Variants in MBD5 observed in about 807,000 individuals in gnomAD.
MBD5 encodes methyl-CpG binding domain protein 5, also known as methyl-CpG-binding domain protein 5.
A neutral mutation model predicts 117.3 loss-of-function variants in MBD5; 13 were observed. The ratio of observed to expected loss-of-function variants is 0.11; its 90% confidence interval spans 0.07 to 0.18. The LOEUF is 0.18. MBD5 is among the 10% of genes least tolerant of loss of function. MBD5 has a pLI of 1.00. For missense variants in MBD5, 1,879 were observed against 2,093.8 expected (o/e 0.90, Z 2.00); for synonymous variants, 727 against 766.4 (o/e 0.95, Z 0.85).
chr2:148,115,489 T>G (rs186283304), intron 1 of MBD5, among the ~76,000 whole-genome samples: 1 of 152,336 alleles, frequency 6.6e-6, no homozygotes, highest in African/African-American at 2.4e-5. Flanking sequence ...GTAAGGTATT[T>G]AGTATGGGTA....
chr2:148,129,582 T>C (rs1434932111), intron 1 of MBD5, among the ~76,000 whole-genome samples: 1 of 152,182 alleles, frequency 6.6e-6, no homozygotes. Context: ...AGCTGATACA[T>C]TGTACAAAGA....
intron 1 of MBD5, among the ~76,000 whole-genome samples, chr2:148,092,296 G>T (rs958809211): frequency 6.6e-6 from 1 of 152,124 alleles, no homozygotes; most frequent in East Asian, 1.9e-4. Context: ...ATTTGACCCG[G>T]CAATCCCAAT....
chr2:148,184,711 A>G (rs1240565953), intron 2 of MBD5, among the ~76,000 whole-genome samples: 2 of 152,092 alleles, frequency 1.3e-5, no homozygotes, highest in Non-Finnish European at 2.9e-5. Context: ...TGATATGTTG[A>G]CCTGTAAGGT....
At position 148,235,385 on chromosome 2, in the gene MBD5, C is replaced by T. The variant is rs78180187; in HGVS notation, c.-680+1990C>T. Among the ~76,000 whole-genome samples, 247 of 152,196 alleles carry T rather than the reference C, an allele frequency of 1.6e-3. 5 individuals are homozygous for T. The East Asian group carries it at 0.041, about 25-fold the overall frequency. On this transcript the variant is annotated intron_variant, in intron 3 of 13. Transcript: ENST00000642680. Reference sequence around the variant, plus strand: ...TTATTCTTTAACCATCAGACTGTATCAATGGTATATAGCTTTAACTTATTA... The same window carrying T: ...TTATTCTTTAACCATCAGACTGTATTAATGGTATATAGCTTTAACTTATTA...
At chr2:148,334,900 ATT>A (rs1702748333) in intron 3 of MBD5, among the ~76,000 whole-genome samples, 1 of 152,086 alleles carries the variant, frequency 6.6e-6, no homozygotes, top group Non-Finnish European at 1.5e-5. Context: ...ACTTGAGGAG[ATT>A]TCTGTTTATG....
At chr2:148,430,622 A>T (rs1220941263) in intron 4 of MBD5, among the ~76,000 whole-genome samples, 1 of 152,106 alleles carries the variant, frequency 6.6e-6, no homozygotes, top group Non-Finnish European at 1.5e-5. Flanking sequence ...TCATTTACAA[A>T]TGTCAATTAT....
chr2:148,089,562 A>G (rs1224192027), intron 1 of MBD5, among the ~76,000 whole-genome samples: 1 of 152,118 alleles, frequency 6.6e-6, no homozygotes. Flanking sequence ...ATACACATAC[A>G]TGGAAATTAA....
intron 4 of MBD5, among the ~76,000 whole-genome samples, chr2:148,350,370 G>C (rs1206597322): frequency 2.6e-5 from 4 of 152,006 alleles, no homozygotes; most frequent in Non-Finnish European, 5.9e-5. Flanking sequence ...TGTTCTGAGT[G>C]CTGGCCTTCT....
intron 4 of MBD5, among the ~76,000 whole-genome samples, chr2:148,437,984 A>G (rs1378742755): frequency 1.3e-5 from 2 of 152,188 alleles, no homozygotes; most frequent in Non-Finnish European, 2.9e-5. Flanking sequence ...ACCTGTCTTT[A>G]TTTACTGAGG....
chr2:148,331,935 T>C (rs1179488903), intron 3 of MBD5, among the ~76,000 whole-genome samples: 1 of 152,124 alleles, frequency 6.6e-6, no homozygotes, highest in Non-Finnish European at 1.5e-5. Context: ...TTTATAATTA[T>C]CAAACAATGA....
chr2:148,185,089 T>A (rs1407112547), intron 2 of MBD5, among the ~76,000 whole-genome samples: 2 of 152,234 alleles, frequency 1.3e-5, no homozygotes, highest in Admixed American at 6.5e-5. Flanking sequence ...TCTGAGTCCC[T>A]GTAGATATGG....
chr2:148,368,369 A>T (rs762037778), intron 4 of MBD5, among the ~76,000 whole-genome samples: 16 of 152,104 alleles, frequency 1.1e-4, no homozygotes, highest in Non-Finnish European at 1.8e-4. Flanking sequence ...AGAAATACCT[A>T]ATGTAGATGA....
intron 8 of MBD5, among the ~76,000 whole-genome samples, chr2:148,481,575 A>G (rs1390203683): frequency 1.3e-5 from 2 of 152,224 alleles, no homozygotes; most frequent in Non-Finnish European, 2.9e-5. Flanking sequence ...ATAATAAAAT[A>G]TTTGTCAAAT....
At chr2:148,509,116 C>T (rs1682134525) in intron 12 of MBD5, among the ~76,000 whole-genome samples, 1 of 152,220 alleles carries the variant, frequency 6.6e-6, no homozygotes, top group Non-Finnish European at 1.5e-5. Flanking sequence ...GAAACCCATG[C>T]TAACCACCTG....
In MBD5 at chr2:148,458,536, A is replaced by G. The variant is rs931437667; in HGVS notation, c.-223A>G. 3 of 604,194 alleles carry G rather than the reference A, an allele frequency of 5.0e-6. No homozygotes were observed. The highest frequency in any genetic ancestry group is 3.7e-5 in the African/African-American group (2 of 53,948). The allele number at this position is 604,194 out of a possible 1,614,324, so 37.4% of individuals were successfully genotyped here. ...CATGTAGACCATCCTTAGGAATTAA[A>G]TATTGGTTATTTAATGTAGATTATA... On this transcript the variant is annotated 5_prime_UTR_variant, in exon 5 of 14. Transcript: ENST00000642680.
intron 3 of MBD5, among the ~76,000 whole-genome samples, chr2:148,318,142 G>C (rs1358138975): frequency 6.6e-6 from 1 of 152,004 alleles, no homozygotes; most frequent in Non-Finnish European, 1.5e-5. Flanking sequence ...TTTAGTAATA[G>C]CCCTTCTGAC....
intron 1 of MBD5, among the ~76,000 whole-genome samples, chr2:148,086,064 C>T (rs866947497): frequency 3.9e-5 from 6 of 151,900 alleles, no homozygotes; most frequent in East Asian, 3.9e-4. Context: ...GATGCTGATG[C>T]GTGTGATTCT....
At chr2:148,441,061 AT>A (rs59261157) in intron 4 of MBD5, among the ~76,000 whole-genome samples, 2,943 of 152,104 alleles carry the variant, frequency 0.019, 76 homozygotes, top group African/African-American at 0.065. Flanking sequence ...GCCTCTTTCT[AT>A]TTCCTGCTTC....
At chr2:148,396,638 C>A (rs147917093) in intron 4 of MBD5, among the ~76,000 whole-genome samples, 1 of 152,290 alleles carries the variant, frequency 6.6e-6, no homozygotes, top group African/African-American at 2.4e-5. Flanking sequence ...GTGCAGTCAC[C>A]TTTATGACTA....
Sources: allele counts gnomAD v4.1 joint callset (sites outside exome capture counted in the v4.1 genomes callset), GRCh38; gene constraint gnomAD v4.1.1; transcripts MANE v1.5; gene names NCBI Gene and HGNC (gene_info 2026-07-23, HGNC 2026-07-21).